The following ARRB1 variants were observed in gnomAD, a reference collection of about 807,000 sequenced individuals.
ARRB1 encodes the protein arrestin beta 1, also known as beta-arrestin-1.
Under a neutral mutation model 56.8 loss-of-function variants are expected in ARRB1, and 21 were observed. The observed-to-expected ratio is 0.37, with a 90% CI of 0.26 to 0.53. The LOEUF is 0.53. ARRB1 is among the 20% of genes least tolerant of loss of function. The pLI is 0.88. For missense variants in ARRB1, 424 were observed against 553.7 expected (o/e 0.77, Z 2.35); for synonymous variants, 210 against 218.6 (o/e 0.96, Z 0.35).
chr11:75,281,042 A>T (rs1194513756), intron 7 of ARRB1, 33 bp downstream of exon 7: 1 of 1,584,620 alleles, frequency 6.3e-7, no homozygotes, highest in East Asian at 2.3e-5. Context: ...TCCCTCACCC[A>T]GCAGGCGGCC....
At chr11:75,294,217 CAG>C (rs1433961085) in intron 1 of ARRB1, among the ~76,000 whole-genome samples, 1 of 152,074 alleles carries the variant, frequency 6.6e-6, no homozygotes, top group African/African-American at 2.4e-5. Context: ...GTTTTCCAAA[CAG>C]GGGGTCACAA....
chr11:75,276,195 A>G (rs1946197026), intron 10 of ARRB1, among the ~76,000 whole-genome samples: 2 of 114,774 alleles, frequency 1.7e-5, no homozygotes, highest in African/African-American at 6.4e-5. Context: ...TTGCCCCAAG[A>G]AATTACTTGC....
chr11:75,281,981 C>T lies in ARRB1; in HGVS notation c.395G>A (p.Gly132Glu), dbSNP rs1452318060. ...NLPCSVTLQP[G>E]PEDTGKACGV... is the part of the protein sequence containing the mutation. ...ACCTACCTTCCCCGTGTCTTCGGGC[C>T]CCGGCTGCAGTGTCACAGAACATGG... Residue 132 changes from glycine (G) to glutamate (E), a missense_variant, in exon 6 of 16, where the codon GGG (glycine) becomes GAG (glutamate). By Grantham distance (98) the Gly-to-Glu change is moderately conservative (BLOSUM62 -2). Around this residue, in one of 3 missense-constraint regions of ARRB1, gnomAD observed 301 missense variants for 387.9 expected, o/e 0.78. Transcript: ENST00000420843. 1 of 1,614,140 alleles carries T rather than the reference C, an allele frequency of 6.2e-7. No homozygotes were observed. Among genetic ancestry groups the T allele is most frequent in the East Asian group, 2.2e-5 (1 of 44,872 alleles).
rs570361019 is a variant in ARRB1 at position 75,338,695 on chromosome 11, G to A, written c.20+12893C>T. On this transcript the variant is annotated intron_variant, in intron 1 of 15. Coordinates refer to ENST00000420843, the MANE Select transcript of ARRB1 (RefSeq NM_004041.5). ...CAGTGAATCACTGCTGTACTGAATC[G>A]CTGCTGTGGAACAGTCAGCGCAGGG... 3.3e-5 allele frequency among the ~76,000 whole-genome samples: 5 copies of A among 152,290 alleles called. No homozygotes were observed. In the South Asian group the frequency reaches 6.2e-4, roughly 19 times the overall value.
intron 1 of ARRB1, among the ~76,000 whole-genome samples, chr11:75,299,939 G>GGATTA (rs1946856603): frequency 6.6e-6 from 1 of 152,176 alleles, no homozygotes; most frequent in South Asian, 2.1e-4. Context: ...AGGCGCAGTG[G>GGATTA]CTGACGCCTG....
At chr11:75,311,914 G>A in intron 1 of ARRB1, 2 of 664,078 alleles carry the variant, frequency 3.0e-6, no homozygotes, top group South Asian at 3.4e-5. Flanking sequence ...ACCAGGGCCT[G>A]TCAGAAGGGG....
intron 14 of ARRB1, among the ~76,000 whole-genome samples, chr11:75,268,431 G>A (rs1945989481): frequency 1.3e-5 from 2 of 151,042 alleles, no homozygotes; most frequent in Admixed American, 1.3e-4. Context: ...CTTGAGCCTG[G>A]GAGGCGGAGG....
chr11:75,314,395 A>T (rs1947226325), intron 1 of ARRB1, among the ~76,000 whole-genome samples: 1 of 152,250 alleles, frequency 6.6e-6, no homozygotes, highest in African/African-American at 2.4e-5. Flanking sequence ...GCAGAAATGC[A>T]GACCCCAGGA....
At chr11:75,298,773 GA>G (rs113880482) in intron 1 of ARRB1, among the ~76,000 whole-genome samples, 111 of 146,092 alleles carry the variant, frequency 7.6e-4, no homozygotes, top group African/African-American at 1.0e-3. Flanking sequence ...CAAAAAGAGT[GA>G]AAAAAAAAAT....
intron 1 of ARRB1, among the ~76,000 whole-genome samples, chr11:75,316,446 G>C (rs1238934007): frequency 3.3e-5 from 5 of 152,186 alleles, no homozygotes; most frequent in African/African-American, 1.2e-4. Context: ...AGCAGAGTGA[G>C]CCTAGGCTAG....
At position 75,265,631 on chromosome 11, in the gene ARRB1, C is replaced by T. The variant is rs1945890405; in HGVS notation, c.*532G>A. 6.4e-6 allele frequency: 1 copy of T among 157,134 alleles called. No homozygotes were observed. Among genetic ancestry groups the T allele is most frequent in the Non-Finnish European group, 1.4e-5 (1 of 70,728 alleles). The allele number at this position is 157,134 out of a possible 1,614,324, so 9.7% of individuals were successfully genotyped here. On this transcript the variant is annotated 3_prime_UTR_variant, in exon 16 of 16. Coordinates refer to ENST00000420843, the MANE Select transcript of ARRB1 (RefSeq NM_004041.5). The stretch of plus-strand genomic sequence containing the variant: ...GGGGAGGAGGGTGAAGGCAGAAGGT[C>T]TTTGGTGGGTCAGAACTTCAAAAAG...
intron 1 of ARRB1, among the ~76,000 whole-genome samples, chr11:75,314,697 G>C (rs779174056): frequency 7.2e-5 from 11 of 152,032 alleles, no homozygotes; most frequent in Non-Finnish European, 1.6e-4. Flanking sequence ...ACCTCCCCAG[G>C]CTCAGGTGAT....
At chr11:75,281,804 G>A in intron 6 of ARRB1, 158 bp downstream of exon 6, 1 of 703,214 alleles carries the variant, frequency 1.4e-6, no homozygotes, top group East Asian at 2.7e-5. Flanking sequence ...TCTGAAGAGA[G>A]ACTGGTTGTC....
At chr11:75,345,500 G>A (rs1202348889) in intron 1 of ARRB1, among the ~76,000 whole-genome samples, 1 of 152,002 alleles carries the variant, frequency 6.6e-6, no homozygotes, top group East Asian at 1.9e-4. Flanking sequence ...GACGATACCT[G>A]TTCTAATCCC....
intron 1 of ARRB1, among the ~76,000 whole-genome samples, chr11:75,319,176 C>T (rs573958956): frequency 6.6e-6 from 1 of 152,216 alleles, no homozygotes; most frequent in African/African-American, 2.4e-5. Flanking sequence ...AGGTTCAAAC[C>T]CCATAACCTG....
chr11:75,345,506 A>C (rs1241563944), intron 1 of ARRB1, among the ~76,000 whole-genome samples: 1 of 152,062 alleles, frequency 6.6e-6, no homozygotes, highest in African/African-American at 2.4e-5. Context: ...ACCTGTTCTA[A>C]TCCCAGGGCT....
chr11:75,269,017 G>A (rs1410485366), intron 13 of ARRB1, 58 bp from the exon 14 acceptor site: 3 of 1,555,676 alleles, frequency 1.9e-6, no homozygotes, highest in Non-Finnish European at 2.6e-6. Flanking sequence ...TGTGAGACTT[G>A]ATGTCGATGC....
At chr11:75,287,256 T>C in intron 3 of ARRB1, 59 bp downstream of exon 3, 1 of 1,518,566 alleles carries the variant, frequency 6.6e-7, no homozygotes, top group Non-Finnish European at 8.9e-7. Flanking sequence ...GAGCTATTTC[T>C]GGGAGGCTTG....
intron 1 of ARRB1, among the ~76,000 whole-genome samples, chr11:75,347,538 C>T (rs746909127): frequency 6.6e-6 from 1 of 152,180 alleles, no homozygotes; most frequent in Non-Finnish European, 1.5e-5. Flanking sequence ...AACGGCAAGG[C>T]CCAGAAAGGA....
Sources: allele counts gnomAD v4.1 joint callset (sites outside exome capture counted in the v4.1 genomes callset), GRCh38; gene constraint gnomAD v4.1.1; regional missense constraint gnomAD v4.1.1; transcripts MANE v1.5; gene names NCBI Gene and HGNC (gene_info 2026-07-23, HGNC 2026-07-21).